The following ATP5MC2 variants were observed in gnomAD, a reference collection of about 807,000 sequenced individuals.
The protein encoded by ATP5MC2 is ATP synthase F(0) complex subunit C2, mitochondrial.
In ATP5MC2, 11 loss-of-function variants were observed where a neutral mutation model predicts 13.5. The observed-to-expected ratio is 0.81, with a 90% CI of 0.51 to 1.35. The LOEUF (loss-of-function observed/expected upper bound fraction) is 1.35. Among genes scored for constraint, ATP5MC2 ranks in the 40% most tolerant of loss-of-function variants. The probability of loss-of-function intolerance (pLI) is 0.00; values close to 1 mark genes in which losing one functional copy is unlikely to be tolerated. For missense variants in ATP5MC2, 132 were observed against 175.0 expected, an observed-to-expected ratio of 0.75 and a Z score of 1.39; for synonymous variants, 64 against 69.7, an observed-to-expected ratio of 0.92 and a Z score of 0.41.
intron 3 of ATP5MC2, 76 bp from the exon 4 acceptor site, chr12:53,669,417 G>A: frequency 1.4e-6 from 2 of 1,471,286 alleles, no homozygotes; most frequent in East Asian, 2.4e-5. Flanking sequence ...CCTTTAAGCT[G>A]CCAAATCCCA....
chr12:53,675,941 G>A, intron 1 of ATP5MC2, 112 bp downstream of exon 1: 1 of 1,439,894 alleles, frequency 6.9e-7, no homozygotes, highest in South Asian at 1.4e-5. Flanking sequence ...AAGAAAGGGC[G>A]AGAGGACCAG....
chr12:53,674,619 G>A (rs994812529), intron 1 of ATP5MC2, among the ~76,000 whole-genome samples: 3 of 152,180 alleles, frequency 2.0e-5, no homozygotes, highest in African/African-American at 7.2e-5. Flanking sequence ...AAACACTTCT[G>A]AATCCAACAT....
At chr12:53,669,391 T>C (rs1593048574) in intron 3 of ATP5MC2, 50 bp from the exon 4 acceptor site, 2 of 1,562,658 alleles carry the variant, frequency 1.3e-6, no homozygotes, top group Non-Finnish European at 8.7e-7. Flanking sequence ...TTGGTAACTT[T>C]TGTACCATTT....
intron 1 of ATP5MC2, chr12:53,672,889 TA>T (rs1945143236): frequency 2.2e-6 from 1 of 446,740 alleles, no homozygotes; most frequent in Non-Finnish European, 4.0e-6. Context: ...TGGGTTCAGG[TA>T]AGACCTGTTA....
At chr12:53,669,436 C>G (rs1309480212) in intron 3 of ATP5MC2, 95 bp from the exon 4 acceptor site, 4 of 1,450,184 alleles carry the variant, frequency 2.8e-6, no homozygotes, top group Non-Finnish European at 2.7e-6. Flanking sequence ...CATTGTTTCT[C>G]CCCCAAACAG....
chr12:53,666,344 G>A (rs1593042447), intron 4 of ATP5MC2, among the ~76,000 whole-genome samples: 1 of 152,076 alleles, frequency 6.6e-6, no homozygotes, highest in Non-Finnish European at 1.5e-5. Context: ...TTGGGAGGCC[G>A]AAGTGGGCAG....
At position 53,669,150 on chromosome 12, in the gene ATP5MC2, G is replaced by A. The variant is rs1945017882; in HGVS notation, c.309C>T (p.Ala103=). 5.6e-6 allele frequency: 9 copies of A among 1,607,436 alleles called. No individual in the cohort carries two copies. The highest frequency in any genetic ancestry group is 6.8e-6 in the Non-Finnish European group (8 of 1,176,762). Residue 103 remains alanine (A), a splice_region_variant and synonymous_variant, in exon 4 of 5, where the codon GCC becomes GCT. Transcript: ENST00000394349. ...TVFGSLIIGY[A]RNPSLKQQLF... The stretch of plus-strand genomic sequence containing the variant: ...GTGGAGGGTCCAACTTATCTTACCT[G>A]GCATAACCAATGATGAGGCTCCCAA...
intron 3 of ATP5MC2, 51 bp from the exon 4 acceptor site, chr12:53,669,392 T>C: frequency 1.9e-6 from 3 of 1,563,014 alleles, no homozygotes; most frequent in South Asian, 1.2e-5. Flanking sequence ...TGGTAACTTT[T>C]GTACCATTTA....
chr12:53,665,428 C>T lies in ATP5MC2; in HGVS notation c.312G>A (p.Arg104=), dbSNP rs1485326768. The T allele has an allele frequency of 6.2e-7, 1 of 1,611,050 alleles. No individual in the cohort carries two copies. The highest frequency in any genetic ancestry group is 8.5e-7 in the Non-Finnish European group (1 of 1,177,282). The change falls in exon 5 of 5, where the codon AGG becomes AGA. Residue 104 remains arginine, a splice_region_variant and synonymous_variant. Transcript: ENST00000394349. ...AGAGCTGTTGCTTCAGAGAAGGGTT[C>T]CTGGTAGAAGGAGAAGAGAAAAGAC... ...VFGSLIIGYA[R]NPSLKQQLFS... is the part of the protein sequence containing the mutation.
chr12:53,672,746 A>T, intron 1 of ATP5MC2, 101 bp from the exon 2 acceptor site: 2 of 1,060,558 alleles, frequency 1.9e-6, no homozygotes, highest in Non-Finnish European at 2.8e-6. Context: ...CCCAGAAAAC[A>T]GTGACTGACC....
chr12:53,667,946 C>CATATAT, intron 4 of ATP5MC2, among the ~76,000 whole-genome samples: 2 of 52,066 alleles, frequency 3.8e-5, no homozygotes, highest in African/African-American at 6.4e-5. Flanking sequence ...TACATACATA[C>CATATAT]ATACACACAC....
At chr12:53,666,683 C>T (rs1944923140) in intron 4 of ATP5MC2, among the ~76,000 whole-genome samples, 1 of 151,668 alleles carries the variant, frequency 6.6e-6, no homozygotes, top group Non-Finnish European at 1.5e-5. Context: ...TTGCTTGAAC[C>T]CGAGAGGCAG....
At chr12:53,677,898 T>G (rs185665259), upstream of ATP5MC2, among the ~76,000 whole-genome samples, 4 of 152,336 alleles carry the variant, frequency 2.6e-5, no homozygotes, top group Admixed American at 2.6e-4. Flanking sequence ...CGGAATTCTT[T>G]TAAGCTGTCA....
upstream of ATP5MC2, chr12:53,676,521 T>C: frequency 4.1e-6 from 1 of 245,400 alleles, no homozygotes; most frequent in South Asian, 6.7e-5. Context: ...GCCGGGACTC[T>C]GGCATCACTG....
Position 53,672,608 on chromosome 12 carries a change from C to T in ATP5MC2, c.7G>A (p.Ala3Thr), listed in dbSNP as rs1012202014. The change falls in exon 2 of 5, where the codon GCC (alanine) becomes ACC (threonine). Residue 3 changes from alanine (A) to threonine (T), a missense_variant. Coordinates refer to ENST00000394349, the MANE Select transcript of ATP5MC2 (RefSeq NM_005176.7). MFACSKFVSTPSL... is the reference protein window; with the variant it reads MFTCSKFVSTPSL... ...GGAGTGGAGACAAACTTGGAGCAGG[C>T]GAACATTTTCAGGGGGTGAGGAGCT... The T allele has an allele frequency of 1.3e-5, 20 of 1,584,658 alleles. No homozygotes were observed. The highest frequency in any genetic ancestry group is 4.0e-5 in the African/African-American group (3 of 74,660).
At chr12:53,676,336 G>T, upstream of ATP5MC2, 1 of 1,253,214 alleles carries the variant, frequency 8.0e-7, no homozygotes, top group Non-Finnish European at 1.1e-6. Flanking sequence ...ACTGCGGTTT[G>T]GTCTGTACCG....
intron 1 of ATP5MC2, among the ~76,000 whole-genome samples, chr12:53,675,161 G>A (rs1245607199): frequency 6.6e-6 from 1 of 152,196 alleles, no homozygotes; most frequent in African/African-American, 2.4e-5. Context: ...ATCATCACGG[G>A]CTTTTTCCTC....
chr12:53,675,175 G>C (rs1211197264), intron 1 of ATP5MC2, among the ~76,000 whole-genome samples: 5 of 152,196 alleles, frequency 3.3e-5, no homozygotes, highest in Non-Finnish European at 2.9e-5. Flanking sequence ...TTTCCTCAGT[G>C]TAGATGAGTC....
At chr12:53,679,561 T>G (rs1182268195), upstream of ATP5MC2, among the ~76,000 whole-genome samples, 1 of 152,208 alleles carries the variant, frequency 6.6e-6, no homozygotes, top group African/African-American at 2.4e-5. Context: ...GGGAGAGAAG[T>G]AGGTGATCTC....
Sources: allele counts gnomAD v4.1 joint callset (sites outside exome capture counted in the v4.1 genomes callset), GRCh38; gene constraint gnomAD v4.1.1; transcripts MANE v1.5; gene names NCBI Gene and HGNC (gene_info 2026-07-23, HGNC 2026-07-21).